The following GRIP1 variants were observed in gnomAD, a reference collection of about 807,000 sequenced individuals.
GRIP1 encodes the protein glutamate receptor interacting protein 1.
A neutral mutation model predicts 129.9 loss-of-function variants in GRIP1; 45 were observed. The ratio of observed to expected loss-of-function variants is 0.35; its 90% CI spans 0.27 to 0.44. The LOEUF (loss-of-function observed/expected upper bound fraction) is 0.44. Among genes scored for constraint, GRIP1 ranks in the 20% least tolerant of loss-of-function variants. The probability of loss-of-function intolerance (pLI) is 1.00; values close to 1 mark genes in which losing one functional copy is unlikely to be tolerated. For synonymous variants in GRIP1, 530 were observed against 520.8 expected, an observed-to-expected ratio of 1.02 and a Z score of -0.24; for missense variants, 1,196 against 1,396.8, an observed-to-expected ratio of 0.86 and a Z score of 2.29.
At chr12:66,438,787 T>C (rs1161144451) in intron 13 of GRIP1, among the ~76,000 whole-genome samples, 2 of 152,156 alleles carry the variant, frequency 1.3e-5, no homozygotes, top group Non-Finnish European at 2.9e-5. Flanking sequence ...TGAGTCACCA[T>C]GCCTGGCCTC....
At chr12:66,640,492 A>C (rs1057500173) in intron 1 of GRIP1, among the ~76,000 whole-genome samples, 1 of 152,228 alleles carries the variant, frequency 6.6e-6, no homozygotes, top group Admixed American at 6.5e-5. Context: ...CTCAAGCTAG[A>C]AGAAAAGACT....
In GRIP1 at chr12:66,796,625, T is replaced by G. The variant is rs562895385; in HGVS notation, c.-420+7428A>C. ...TTGCCACTAGTTTTTCTGTTTTCTT[T>G]TTAGCTTGCTGACTCCACTAGGGCA... On this transcript the variant is annotated intron_variant, in intron 1 of 4. Transcript: ENST00000538373. Among the ~76,000 whole-genome samples, 9 of 152,246 alleles carry G rather than the reference T, an allele frequency of 5.9e-5. No homozygotes were observed. The South Asian group carries it at 1.5e-3, about 25-fold the overall frequency.
intron 1 of GRIP1, among the ~76,000 whole-genome samples, chr12:66,882,388 C>T (rs1304032208): frequency 6.6e-6 from 1 of 152,114 alleles, no homozygotes. Context: ...CAAACTAATA[C>T]CTGTTTTGTA....
intron 1 of GRIP1, among the ~76,000 whole-genome samples, chr12:67,039,553 A>G (rs1027583471): frequency 3.3e-5 from 5 of 152,194 alleles, no homozygotes; most frequent in Non-Finnish European, 5.9e-5. Context: ...GTCAAAAGTC[A>G]ATTAAGGCCA....
chr12:66,655,813 G>A (rs572879928), intron 1 of GRIP1, among the ~76,000 whole-genome samples: 15 of 152,024 alleles, frequency 9.9e-5, no homozygotes, highest in African/African-American at 2.4e-4. Context: ...GGGTTTCACC[G>A]TGGTCTTGAT....
At chr12:66,692,545 A>T (rs2035016125) in intron 1 of GRIP1, among the ~76,000 whole-genome samples, 1 of 151,600 alleles carries the variant, frequency 6.6e-6, no homozygotes, top group African/African-American at 2.4e-5. Context: ...GAGGAGATTT[A>T]AAAAAAAACA....
At chr12:66,580,241 A>G (rs1463052405) in intron 2 of GRIP1, among the ~76,000 whole-genome samples, 6 of 150,794 alleles carry the variant, frequency 4.0e-5, no homozygotes, top group African/African-American at 7.3e-5. Flanking sequence ...CTGCCCTAAA[A>G]GAGCTCCTGA....
intron 7 of GRIP1, among the ~76,000 whole-genome samples, chr12:66,482,557 AC>A (rs1474029104): frequency 6.6e-6 from 1 of 152,196 alleles, no homozygotes; most frequent in Non-Finnish European, 1.5e-5. Flanking sequence ...TTTCCCCACA[AC>A]AACATCAAAG....
chr12:66,851,943 G>A (rs962883629), intron 1 of GRIP1, among the ~76,000 whole-genome samples: 12 of 152,030 alleles, frequency 7.9e-5, no homozygotes, highest in Admixed American at 2.6e-4. Flanking sequence ...TGTCATGATA[G>A]TTCACAATAT....
intron 23 of GRIP1, among the ~76,000 whole-genome samples, chr12:66,365,635 G>A (rs2055093566): frequency 1.3e-5 from 2 of 152,182 alleles, no homozygotes; most frequent in Admixed American, 1.3e-4. Flanking sequence ...TCTGTTTGCT[G>A]TCCCTGGTTC....
At chr12:66,367,543 C>G (rs1164752077) in intron 23 of GRIP1, among the ~76,000 whole-genome samples, 1 of 152,198 alleles carries the variant, frequency 6.6e-6, no homozygotes, top group East Asian at 1.9e-4. Context: ...GGGGTTCACA[C>G]TCCAAACTAC....
intron 1 of GRIP1, among the ~76,000 whole-genome samples, chr12:66,797,595 G>A (rs2038738088): frequency 6.6e-6 from 1 of 152,136 alleles, no homozygotes; most frequent in African/African-American, 2.4e-5. Context: ...GTTTCCATCG[G>A]TGGCATTTAT....
At chr12:66,961,497 G>T (rs2041920650) in intron 1 of GRIP1, among the ~76,000 whole-genome samples, 1 of 152,102 alleles carries the variant, frequency 6.6e-6, no homozygotes, top group Non-Finnish European at 1.5e-5. Flanking sequence ...TAAGTTTAAG[G>T]AAGAAGTAGT....
At position 66,663,812 on chromosome 12, in the gene GRIP1, C is replaced by T. The variant is rs570255744; in HGVS notation, c.55+15038G>A. Among the ~76,000 whole-genome samples, 5 of 152,334 alleles carry T rather than the reference C, an allele frequency of 3.3e-5. No homozygotes were observed. The East Asian group carries it at 9.6e-4, about 29-fold the overall frequency. ...AGGCAATTCTCAAAATTCACTGCAA[C>T]GTTTTCCGTTTGCACCTGCCAAGTG... On this transcript the variant is annotated intron_variant, in intron 1 of 24. Coordinates refer to ENST00000359742, the MANE Select transcript of GRIP1 (RefSeq NM_001366722.1).
chr12:66,593,244 C>T (rs1237173941), intron 2 of GRIP1, among the ~76,000 whole-genome samples: 1 of 151,560 alleles, frequency 6.6e-6, no homozygotes, highest in Non-Finnish European at 1.5e-5. Flanking sequence ...AGTGTTTAAT[C>T]CATTTCCTTT....
chr12:66,534,917 C>A (rs1017878093), intron 4 of GRIP1, among the ~76,000 whole-genome samples: 1 of 152,148 alleles, frequency 6.6e-6, no homozygotes, highest in Non-Finnish European at 1.5e-5. Context: ...TGGTCTCGAG[C>A]TCCTGAACTC....
chr12:66,548,026 T>C (rs918205671), intron 2 of GRIP1, among the ~76,000 whole-genome samples: 8 of 152,302 alleles, frequency 5.3e-5, no homozygotes, highest in African/African-American at 1.9e-4. Context: ...AGTGGGTATA[T>C]GATTCAATTG....
chr12:66,511,181 T>TC (rs1323562064), intron 7 of GRIP1, among the ~76,000 whole-genome samples: 5 of 150,090 alleles, frequency 3.3e-5, no homozygotes, highest in Non-Finnish European at 4.4e-5. Flanking sequence ...AAGGAGAGTT[T>TC]CCCTGCACAA....
At chr12:66,997,064 A>C (rs554284964) in intron 1 of GRIP1, among the ~76,000 whole-genome samples, 1 of 152,294 alleles carries the variant, frequency 6.6e-6, no homozygotes, top group South Asian at 2.1e-4. Flanking sequence ...AGTTTCAGCT[A>C]TTCTCCAAAA....
Sources: gnomAD v4.1 joint callset for allele counts (sites outside exome capture counted in the v4.1 genomes callset) on GRCh38, gnomAD v4.1.1 for gene constraint, MANE v1.5 for transcripts, NCBI Gene and HGNC (gene_info 2026-07-23, HGNC 2026-07-21) for gene names.